PAQR3: variants seen among roughly 807,000 people sequenced by gnomAD.
The protein encoded by PAQR3 is Raf kinase trapping to Golgi.
A neutral mutation model predicts 41.7 loss-of-function variants in PAQR3; 39 were observed. The observed-to-expected ratio is 0.93, with a 90% CI of 0.72 to 1.22. PAQR3 has a LOEUF of 1.22. Among genes scored for constraint, PAQR3 ranks in the 50% most tolerant of loss-of-function variants. PAQR3 has a pLI of 0.00. For missense variants in PAQR3, 366 were observed against 385.6 expected (o/e 0.95, Z 0.42); for synonymous variants, 140 against 140.6 (o/e 1.00, Z 0.03).
At chr4:78,926,443 A>T in intron 4 of PAQR3, 78 bp downstream of exon 4, 2 of 1,305,872 alleles carry the variant, frequency 1.5e-6, no homozygotes, top group Non-Finnish European at 2.2e-6. Context: ...ACTTGGCCTG[A>T]TTATACTACT....
intron 11 of PAQR3, among the ~76,000 whole-genome samples, chr4:78,892,715 T>G (rs1485572969): frequency 6.6e-6 from 1 of 152,168 alleles, no homozygotes; most frequent in East Asian, 1.9e-4. Context: ...GGGACACACA[T>G]TTTTTTGTTT....
At chr4:78,928,917 C>A (rs1327730750) in intron 3 of PAQR3, among the ~76,000 whole-genome samples, 10 of 152,262 alleles carry the variant, frequency 6.6e-5, no homozygotes, top group Admixed American at 6.5e-4. Context: ...GACAGATCAT[C>A]AAGCATTACA....
chr4:78,921,816 C>T, intron 5 of PAQR3: 1 of 985,100 alleles, frequency 1.0e-6, no homozygotes, highest in Non-Finnish European at 1.2e-6. Flanking sequence ...GAGACTATCA[C>T]TTTTCACTGG....
At chr4:78,907,047 T>C (rs1734322109), downstream of PAQR3, among the ~76,000 whole-genome samples, 1 of 152,134 alleles carries the variant, frequency 6.6e-6, no homozygotes, top group Non-Finnish European at 1.5e-5. Flanking sequence ...AAAAAGTGCA[T>C]GAATCATGGT....
intron 11 of PAQR3, among the ~76,000 whole-genome samples, chr4:78,893,636 C>CA (rs1474199713): frequency 6.6e-6 from 1 of 152,186 alleles, no homozygotes; most frequent in Non-Finnish European, 1.5e-5. Context: ...GGTCATAACT[C>CA]ACTATGGCCT....
intron 4 of PAQR3, 128 bp downstream of exon 4, chr4:78,926,393 T>C: frequency 2.7e-6 from 2 of 737,508 alleles, no homozygotes; most frequent in East Asian, 2.7e-5. Flanking sequence ...GGCATCAACA[T>C]GCAATTACAA....
chr4:78,895,432 A>G (rs1289959466), intron 11 of PAQR3, among the ~76,000 whole-genome samples: 1 of 152,216 alleles, frequency 6.6e-6, no homozygotes, highest in Non-Finnish European at 1.5e-5. Flanking sequence ...CACAAATTTC[A>G]AAAAGTGTTT....
chr4:78,903,784 T>A (rs1438102250), intron 11 of PAQR3, among the ~76,000 whole-genome samples: 1 of 151,954 alleles, frequency 6.6e-6, no homozygotes, highest in African/African-American at 2.4e-5. Flanking sequence ...GGGCATGGTT[T>A]TTTAGTGATG....
rs1156913525 is a variant in PAQR3 at position 78,912,519 on chromosome 4, GTTA to G, written c.*8017_*8019del. 2 of 153,622 alleles carry G rather than the reference GTTA, an allele frequency of 1.3e-5. No individual in the cohort carries two copies. The highest frequency in any genetic ancestry group is 4.8e-5 in the African/African-American group (2 of 41,420). The allele number at this position is 153,622 out of a possible 1,614,324, so 9.5% of individuals were successfully genotyped here. ...TCTAGTTATCTTAAAGCATTAGAAA[GTTA>G]TTATCTGGAGAGTGCAGAGATTTCA... On this transcript the variant is annotated 3_prime_UTR_variant, in exon 6 of 6. Coordinates refer to ENST00000512733, the MANE Select transcript of PAQR3 (RefSeq NM_001040202.2).
chr4:78,938,930 G>T, intron 1 of PAQR3, 110 bp downstream of exon 1: 1 of 1,069,070 alleles, frequency 9.4e-7, no homozygotes, highest in Non-Finnish European at 1.4e-6. Flanking sequence ...GGATGGGGCG[G>T]CGAGGAAATG....
In PAQR3 at chr4:78,929,335, AG is replaced by A. The variant is rs1397577960; in HGVS notation, c.504+834del. 3.8e-4 allele frequency among the ~76,000 whole-genome samples: 58 copies of A among 152,246 alleles called. 1 individual carries two copies. ...AAAAACAAGGGCATGGTAGAAAAAC[AG>A]GAAGAAAACAAAGTAGGGTCGAAGG... On this transcript the variant is annotated intron_variant, in intron 3 of 5. Transcript: ENST00000512733.
downstream of PAQR3, chr4:78,911,630 A>G (rs1351499896): frequency 6.2e-7 from 1 of 1,613,862 alleles, no homozygotes; most frequent in East Asian, 2.2e-5. Context: ...GGCCGCCGAG[A>G]CTCTCAAAGT....
intron 5 of PAQR3, chr4:78,922,822 AACTT>A: frequency 4.7e-6 from 2 of 426,630 alleles, no homozygotes; most frequent in East Asian, 7.1e-5. Context: ...GCACTTAAGT[AACTT>A]ACTTAGCCCA....
chr4:78,894,861 A>G (rs949333792), intron 11 of PAQR3, among the ~76,000 whole-genome samples: 2 of 152,198 alleles, frequency 1.3e-5, no homozygotes, highest in African/African-American at 4.8e-5. Flanking sequence ...GAACACTTAG[A>G]GGCCATTGTG....
At chr4:78,887,154 G>A (rs368489335) in exon 13 of PAQR3, 141 of 1,435,070 alleles carry the variant, frequency 9.8e-5, no homozygotes, top group Middle Eastern at 1.8e-4. Context: ...TTTTTATTTC[G>A]TTTCATCTTA....
chr4:78,899,095 A>G (rs1476254992), intron 11 of PAQR3: 1 of 152,242 alleles, frequency 6.6e-6, no homozygotes, highest in Non-Finnish European at 1.5e-5. Context: ...CAGTAGTGGG[A>G]TCATGCCTAT....
intron 1 of PAQR3, among the ~76,000 whole-genome samples, chr4:78,938,124 CAT>C (rs1458540725): frequency 6.6e-6 from 1 of 152,186 alleles, no homozygotes; most frequent in Non-Finnish European, 1.5e-5. Flanking sequence ...AAGAATCAGA[CAT>C]GTGGTTGCCG....
In PAQR3 at chr4:78,916,387, ATTAT is replaced by A. The variant is rs1324020900; in HGVS notation, c.*4148_*4151del. Reference sequence around the variant, plus strand: ...ATAATCAGTGACTTTGGAGTTTTTCATTATTTGTCTTATTATGACTTTTGGATGT... The same window carrying A: ...ATAATCAGTGACTTTGGAGTTTTTCATTGTCTTATTATGACTTTTGGATGT... On this transcript the variant is annotated 3_prime_UTR_variant, in exon 6 of 6. Transcript: ENST00000512733. 4.6e-5 allele frequency: 7 copies of A among 152,006 alleles called. No homozygotes were observed. Among genetic ancestry groups the A allele is most frequent in the Admixed American group, 1.3e-4 (2 of 15,226 alleles). The allele number at this position is 152,006 out of a possible 1,614,324, so 9.4% of individuals were successfully genotyped here.
chr4:78,912,731 A>G lies in PAQR3; in HGVS notation c.*7808T>C, dbSNP rs1326108952. The G allele has an allele frequency of 6.6e-6, 1 of 152,220 alleles. No individual in the cohort carries two copies. The highest frequency in any genetic ancestry group is 1.5e-5 in the Non-Finnish European group (1 of 68,024). 9.4% of individuals were successfully genotyped at this position (152,220 alleles called of 1,614,324 possible). The stretch of plus-strand genomic sequence containing the variant: ...TACATATTCCAAAACAATGTTATAC[A>G]TGATAAATATATATAATTTTTGTCA... On this transcript the variant is annotated 3_prime_UTR_variant, in exon 6 of 6. Coordinates refer to ENST00000512733, the MANE Select transcript of PAQR3 (RefSeq NM_001040202.2).
Sources: allele counts gnomAD v4.1 joint callset (sites outside exome capture counted in the v4.1 genomes callset), GRCh38; gene constraint gnomAD v4.1.1; transcripts MANE v1.5; gene names NCBI Gene and HGNC (gene_info 2026-07-23, HGNC 2026-07-21).